The following EFCAB5 variants were observed in gnomAD, a reference collection of about 807,000 sequenced individuals.
The protein encoded by EFCAB5 is EF-hand calcium binding domain 5.
EFCAB5 carries 131 observed loss-of-function variants against 167.9 expected under a neutral mutation model. The ratio of observed to expected loss-of-function variants is 0.78; its 90% CI spans 0.68 to 0.90. The LOEUF (loss-of-function observed/expected upper bound fraction) is 0.90. EFCAB5 is among the 40% of genes least tolerant of loss of function. EFCAB5 has a pLI of 0.00. For missense variants in EFCAB5, 1,663 were observed against 1,745.2 expected (o/e 0.95, Z 0.84); for synonymous variants, 574 against 602.8 (o/e 0.95, Z 0.70).
chr17:30,033,425 G>C (rs1191423441), intron 7 of EFCAB5, among the ~76,000 whole-genome samples: 1 of 152,192 alleles, frequency 6.6e-6, no homozygotes, highest in East Asian at 1.9e-4. Context: ...TGCAGTGCTT[G>C]ATCACTTCTC....
intron 3 of EFCAB5, among the ~76,000 whole-genome samples, chr17:29,957,725 A>G (rs2067645497): frequency 6.6e-6 from 1 of 152,134 alleles, no homozygotes; most frequent in African/African-American, 2.4e-5. Context: ...TATCCATTCT[A>G]TCATTGATGA....
rs2071473725 is a variant in EFCAB5 at position 30,108,079 on chromosome 17, TTTTG to T, written c.*62_*65del. The T allele has an allele frequency of 5.2e-6, 8 of 1,523,940 alleles. No individual in the cohort carries two copies. The East Asian group carries it at 7.5e-5, about 14-fold the overall frequency. 94.4% of individuals were successfully genotyped at this position (1,523,940 alleles called of 1,614,324 possible). The stretch of plus-strand genomic sequence containing the variant: ...TTTAGGATCCTTTGTTTGTTATCAG[TTTTG>T]TTTGTTAACTATAAAATATTTTCCA... On this transcript the variant is annotated 3_prime_UTR_variant, in exon 23 of 23. Coordinates refer to ENST00000394835, the MANE Select transcript of EFCAB5 (RefSeq NM_198529.4).
intron 2 of EFCAB5, 76 bp downstream of exon 2, chr17:29,942,378 A>G (rs991856974): frequency 7.6e-7 from 1 of 1,320,256 alleles, no homozygotes; most frequent in African/African-American, 1.5e-5. Flanking sequence ...ATGATAAAAG[A>G]AAAGATGTGG....
chr17:29,989,941 T>G (rs1219273634), intron 4 of EFCAB5, among the ~76,000 whole-genome samples: 1 of 152,160 alleles, frequency 6.6e-6, no homozygotes, highest in African/African-American at 2.4e-5. Context: ...ACCTTGCGAA[T>G]TTTTTCCTAG....
intron 4 of EFCAB5, among the ~76,000 whole-genome samples, chr17:29,974,190 C>A (rs910507531): frequency 6.0e-5 from 9 of 150,318 alleles, no homozygotes; most frequent in African/African-American, 2.0e-4. Flanking sequence ...ATAATAATAC[C>A]AACAAGCTTA....
chr17:30,078,052 A>G (rs1597777414), intron 14 of EFCAB5, among the ~76,000 whole-genome samples, 163 bp from the exon 15 acceptor site: 1 of 152,194 alleles, frequency 6.6e-6, no homozygotes, highest in Non-Finnish European at 1.5e-5. Flanking sequence ...ATAGAAATTC[A>G]TTGTAACATA....
At chr17:30,010,697 G>T (rs1035236763) in intron 7 of EFCAB5, among the ~76,000 whole-genome samples, 1 of 152,142 alleles carries the variant, frequency 6.6e-6, no homozygotes, top group Non-Finnish European at 1.5e-5. Context: ...TGTAGATTCT[G>T]GATGTTAGCC....
At chr17:29,936,721 C>T (rs1048440678), upstream of EFCAB5, among the ~76,000 whole-genome samples, 5 of 152,214 alleles carry the variant, frequency 3.3e-5, no homozygotes, top group African/African-American at 1.2e-4. Flanking sequence ...ATTTCCCATC[C>T]TCTGGTTTGC....
intron 7 of EFCAB5, among the ~76,000 whole-genome samples, chr17:30,014,913 G>A (rs1479204381): frequency 1.3e-5 from 2 of 152,110 alleles, no homozygotes. Context: ...TTACAATTTG[G>A]CATGTTTTTG....
At chr17:30,079,393 A>G (rs572288560) in intron 15 of EFCAB5, among the ~76,000 whole-genome samples, 109 of 152,348 alleles carry the variant, frequency 7.2e-4, no homozygotes, top group Non-Finnish European at 7.2e-4. Context: ...AAACCCAAAT[A>G]TATAGAAAGA....
chr17:30,100,554 G>A (rs1057244878), intron 22 of EFCAB5, among the ~76,000 whole-genome samples: 1 of 152,118 alleles, frequency 6.6e-6, no homozygotes, highest in South Asian at 2.1e-4. Flanking sequence ...GATCACCTGA[G>A]GTCAGGAGTT....
chr17:30,069,427 A>G lies in EFCAB5; in HGVS notation c.2738-8788A>G, dbSNP rs969901423. 2.6e-6 allele frequency: 4 copies of G among 1,539,348 alleles called. No homozygotes were observed. In the African/African-American group the frequency reaches 4.1e-5, roughly 16 times the overall value. On this transcript the variant is annotated intron_variant, in intron 14 of 22. Coordinates refer to ENST00000394835, the MANE Select transcript of EFCAB5 (RefSeq NM_198529.4). ...GAGTGGTTGAGATTTCCAGACTTCA[A>G]GAGATATTCACGGAAAAGGTTTTGC...
In EFCAB5 at chr17:29,949,875, G is replaced by A. The variant is rs28376444; in HGVS notation, c.190+6226G>A. On this transcript the variant is annotated intron_variant, in intron 3 of 22. Coordinates refer to ENST00000394835, the MANE Select transcript of EFCAB5 (RefSeq NM_198529.4). ...TTGCTTAGCAACCAATGATAGCCAAGTACACTAGAAGAGCACTAACAGGCT... is the reference window on the plus strand; with the variant it reads ...TTGCTTAGCAACCAATGATAGCCAAATACACTAGAAGAGCACTAACAGGCT... Among the ~76,000 whole-genome samples the A allele has an allele frequency of 6.4e-3, 976 of 152,326 alleles. 5 individuals carry two copies. Among genetic ancestry groups the A allele is most frequent in the African/African-American group, 0.023 (936 of 41,568 alleles).
At chr17:30,044,624 A>C (rs1363370617) in intron 8 of EFCAB5, among the ~76,000 whole-genome samples, 1 of 152,122 alleles carries the variant, frequency 6.6e-6, no homozygotes, top group Non-Finnish European at 1.5e-5. Context: ...AGAAAAAAAC[A>C]CTGACAATAC....
At chr17:30,045,533 G>T (rs1042629685) in intron 8 of EFCAB5, among the ~76,000 whole-genome samples, 6 of 151,502 alleles carry the variant, frequency 4.0e-5, no homozygotes, top group African/African-American at 1.5e-4. Flanking sequence ...TCACTGTGGT[G>T]GTAGTTACAT....
chr17:30,022,303 C>G (rs2151709205), intron 7 of EFCAB5, among the ~76,000 whole-genome samples: 1 of 152,024 alleles, frequency 6.6e-6, no homozygotes, highest in East Asian at 1.9e-4. Flanking sequence ...AATTTATTTC[C>G]CCGTCTGAGG....
At chr17:30,079,556 C>A (rs1425797451) in intron 15 of EFCAB5, among the ~76,000 whole-genome samples, 2 of 152,092 alleles carry the variant, frequency 1.3e-5, no homozygotes, top group African/African-American at 4.8e-5. Context: ...AGAAAGTCTG[C>A]AATCTTGGGC....
chr17:30,104,469 T>C (rs753580052), intron 22 of EFCAB5, among the ~76,000 whole-genome samples: 39 of 151,926 alleles, frequency 2.6e-4, no homozygotes, highest in South Asian at 6.2e-4. Flanking sequence ...CTAATGTCCA[T>C]AGATAGACTC....
Position 30,092,911 on chromosome 17 carries a change from A to T in EFCAB5, c.4296A>T (p.Val1432=), listed in dbSNP as rs764464073. 1.6e-5 allele frequency: 26 copies of T among 1,610,872 alleles called. No individual in the cohort carries two copies. Among genetic ancestry groups the T allele is most frequent in the Non-Finnish European group, 1.8e-5 (21 of 1,178,684 alleles). ...CTGCCAAGCATGTGGAAGTTAATGT[A>T]CAGCTTATTGATGAATATATCAGAG... The part of the protein sequence containing the change: ...DPTAKHVEVN[V]QLIDEYIRDH... The change falls in exon 22 of 23, where the codon GTA becomes GTT. Residue 1432 remains valine (V), a synonymous_variant. Transcript: ENST00000394835.
Sources: allele counts gnomAD v4.1 joint callset (sites outside exome capture counted in the v4.1 genomes callset), GRCh38; gene constraint gnomAD v4.1.1; transcripts MANE v1.5; gene names NCBI Gene and HGNC (gene_info 2026-07-23, HGNC 2026-07-21).